BMPR1A: variants seen among roughly 807,000 people sequenced by gnomAD.
BMPR1A encodes the protein bone morphogenetic protein receptor type-1A.
In BMPR1A, 7 loss-of-function variants were observed where a neutral mutation model predicts 66.0. The observed-to-expected ratio is 0.11, with a 90% confidence interval of 0.06 to 0.20. BMPR1A has a LOEUF of 0.20. Among genes scored for constraint, BMPR1A ranks in the 10% least tolerant of loss-of-function variants. The pLI is 1.00. For missense variants in BMPR1A, 408 were observed against 669.1 expected (o/e 0.61, Z 4.31); for synonymous variants, 200 against 229.7 (o/e 0.87, Z 1.17).
At chr10:86,814,851 T>C (rs1261572447) in intron 1 of BMPR1A, among the ~76,000 whole-genome samples, 1 of 152,170 alleles carries the variant, frequency 6.6e-6, no homozygotes, top group Non-Finnish European at 1.5e-5. Context: ...AGTGGTGCTA[T>C]CTCGGCTCTC....
At position 86,919,362 on chromosome 10, in the gene BMPR1A, A is replaced by G. The variant is rs1060503407; in HGVS notation, c.1059A>G (p.Gln353=). The change falls in exon 10 of 13, where the codon CAA becomes CAG. Residue 353 remains glutamine (Q), a synonymous_variant. Coordinates refer to ENST00000372037, the MANE Select transcript of BMPR1A (RefSeq NM_004329.3). ...CHLHTEIYGT[Q]GKPAIAHRDL... ...TGCACACAGAAATTTATGGCACCCA[A>G]GGAAAGCCCGCAATTGCTCATCGAG... is the stretch of plus-strand genomic sequence containing the variant. 1 of 1,613,242 alleles carries G rather than the reference A, an allele frequency of 6.2e-7. No homozygotes were observed. Among genetic ancestry groups the G allele is most frequent in the Admixed American group, 1.7e-5 (1 of 60,020 alleles).
intron 3 of BMPR1A, among the ~76,000 whole-genome samples, chr10:86,887,649 A>C (rs1394883500): frequency 6.6e-6 from 1 of 152,160 alleles, no homozygotes; most frequent in Non-Finnish European, 1.5e-5. Flanking sequence ...TGTTATCTCA[A>C]GTGATATTTC....
At chr10:86,788,664 A>G (rs552017844) in intron 1 of BMPR1A, among the ~76,000 whole-genome samples, 43 of 152,158 alleles carry the variant, frequency 2.8e-4, no homozygotes, top group African/African-American at 1.0e-3. Flanking sequence ...TGGAGTTGCA[A>G]TAGTGTGATC....
Position 86,925,514 on chromosome 10 carries a change from C to T in BMPR1A, c.*1795C>T, listed in dbSNP as rs929561084. 17 of 203,594 alleles carry T rather than the reference C, an allele frequency of 8.3e-5. No homozygotes were observed. The highest frequency in any genetic ancestry group is 3.4e-4 in the African/African-American group (15 of 43,668). The allele number at this position is 203,594 out of a possible 1,614,324, so 12.6% of individuals were successfully genotyped here. On this transcript the variant is annotated 3_prime_UTR_variant, in exon 13 of 13. Transcript: ENST00000372037. ...AAGTTTCATCTGCCATAATTAAAGT[C>T]TGAAGTGTTCATCAAGATAAGTAAA...
At position 86,867,865 on chromosome 10, in the gene BMPR1A, T is replaced by G. The variant is rs568864266; in HGVS notation, c.-152-8002T>G. 1.5e-3 allele frequency among the ~76,000 whole-genome samples: 229 copies of G among 152,312 alleles called. 1 individual carries two copies. Among genetic ancestry groups the G allele is most frequent in the African/African-American group, 5.4e-3 (224 of 41,566 alleles). ...TATACTTGTGTTGGGGAAACTATCT[T>G]GGCATAGAAGGAAAGTGAAGGTTTT... On this transcript the variant is annotated intron_variant, in intron 2 of 12. Coordinates refer to ENST00000372037, the MANE Select transcript of BMPR1A (RefSeq NM_004329.3).
In BMPR1A at chr10:86,919,200, A is replaced by T. The variant is rs1057521188; in HGVS notation, c.897A>T (p.Thr299=). ...LGFIAADIKG[T]GSWTQLYLIT... ...TCATAGCGGCAGACATTAAAGGTAC[A>T]GGTTCCTGGACTCAGCTCTATTTGA... is the stretch of plus-strand genomic sequence containing the variant. Residue 299 remains threonine, a synonymous_variant, in exon 10 of 13, where the codon ACA becomes ACT. Coordinates refer to ENST00000372037, the MANE Select transcript of BMPR1A (RefSeq NM_004329.3). 5 of 1,613,868 alleles carry T rather than the reference A, an allele frequency of 3.1e-6. No individual in the cohort carries two copies. Among genetic ancestry groups the T allele is most frequent in the African/African-American group, 1.3e-5 (1 of 74,916 alleles).
intron 8 of BMPR1A, among the ~76,000 whole-genome samples, chr10:86,914,508 A>G (rs758766003): frequency 1.3e-5 from 2 of 152,230 alleles, no homozygotes; most frequent in Non-Finnish European, 2.9e-5. Context: ...AAATATATAA[A>G]GACCTTTTGC....
At chr10:86,902,364 CTTTT>C (rs1253906284) in intron 7 of BMPR1A, among the ~76,000 whole-genome samples, 2 of 148,000 alleles carry the variant, frequency 1.4e-5, no homozygotes, top group African/African-American at 2.6e-5. Flanking sequence ...CTATACTTTT[CTTTT>C]TTTGTTTTTT....
At chr10:86,768,401 C>T (rs150917161) in intron 1 of BMPR1A, among the ~76,000 whole-genome samples, 1 of 152,080 alleles carries the variant, frequency 6.6e-6, no homozygotes, top group African/African-American at 2.4e-5. Flanking sequence ...TTGTTCCTAT[C>T]GTAGTAATGC....
intron 1 of BMPR1A, among the ~76,000 whole-genome samples, chr10:86,772,742 T>C (rs1408428477): frequency 1.3e-5 from 2 of 152,152 alleles, no homozygotes; most frequent in South Asian, 2.1e-4. Context: ...TAAATGTAAT[T>C]GGTTATGGCA....
intron 3 of BMPR1A, 32 bp downstream of exon 3, chr10:86,876,117 G>T (rs1161945243): frequency 6.4e-7 from 1 of 1,568,760 alleles, no homozygotes; most frequent in Non-Finnish European, 8.8e-7. Context: ...TAATGTATGT[G>T]TGTATATAAA....
intron 7 of BMPR1A, among the ~76,000 whole-genome samples, chr10:86,902,149 C>T (rs921551841): frequency 2.6e-5 from 4 of 152,122 alleles, no homozygotes; most frequent in African/African-American, 7.2e-5. Context: ...CGTGAGCCAC[C>T]GCACCTGGCC....
intron 1 of BMPR1A, among the ~76,000 whole-genome samples, chr10:86,833,328 C>G (rs901522769): frequency 1.3e-5 from 2 of 151,960 alleles, no homozygotes; most frequent in African/African-American, 4.8e-5. Flanking sequence ...TTTCATGAAG[C>G]ATAGTTATAT....
At chr10:86,764,115 T>TTA (rs1841125230) in intron 1 of BMPR1A, among the ~76,000 whole-genome samples, 1 of 152,198 alleles carries the variant, frequency 6.6e-6, no homozygotes. Flanking sequence ...TGATACTGTT[T>TTA]TATGTATATT....
chr10:86,876,135 A>G, intron 3 of BMPR1A, 50 bp downstream of exon 3: 1 of 1,523,432 alleles, frequency 6.6e-7, no homozygotes, highest in Non-Finnish European at 9.1e-7. Context: ...AAAAAGCACT[A>G]TTTCTTGCTT....
intron 2 of BMPR1A, among the ~76,000 whole-genome samples, chr10:86,844,850 C>T (rs1325294458): frequency 2.0e-5 from 3 of 152,186 alleles, no homozygotes; most frequent in African/African-American, 7.2e-5. Flanking sequence ...AATCTTGGCT[C>T]ACTGCAACTT....
intron 1 of BMPR1A, among the ~76,000 whole-genome samples, chr10:86,806,929 G>A (rs1306895306): frequency 1.3e-5 from 2 of 151,772 alleles, no homozygotes; most frequent in Non-Finnish European, 2.9e-5. Flanking sequence ...CGTGTCCTTT[G>A]GATATGGCCT....
chr10:86,779,240 C>T (rs1691727756), intron 1 of BMPR1A, among the ~76,000 whole-genome samples: 1 of 152,128 alleles, frequency 6.6e-6, no homozygotes, highest in African/African-American at 2.4e-5. Flanking sequence ...TTCCTTTCCT[C>T]TGGATAAATT....
chr10:86,771,376 A>G (rs1841258103), intron 1 of BMPR1A, among the ~76,000 whole-genome samples: 1 of 152,256 alleles, frequency 6.6e-6, no homozygotes. Flanking sequence ...GTTGAGCAAT[A>G]AAATATAAGA....
Sources: allele counts gnomAD v4.1 joint callset (sites outside exome capture counted in the v4.1 genomes callset), GRCh38; gene constraint gnomAD v4.1.1; transcripts MANE v1.5; gene names NCBI Gene and HGNC (gene_info 2026-07-23, HGNC 2026-07-21).